The following TEK variants were observed in gnomAD, a reference collection of about 807,000 sequenced individuals.
TEK encodes angiopoietin-1 receptor.
TEK carries 43 observed loss-of-function variants against 131.8 expected under a neutral mutation model. The ratio of observed to expected loss-of-function variants is 0.33; its 90% CI spans 0.26 to 0.42. TEK has a LOEUF of 0.42. Ranked by LOEUF, TEK falls within the 10% of genes least tolerant of loss-of-function variation. The probability of loss-of-function intolerance (pLI) is 1.00; values close to 1 mark genes in which losing one functional copy is unlikely to be tolerated. For missense variants in TEK, 1,162 were observed against 1,384.4 expected (o/e 0.84, Z 2.55); for synonymous variants, 580 against 491.6 (o/e 1.18, Z -2.38).
intron 21 of TEK, among the ~76,000 whole-genome samples, chr9:27,223,441 G>C (rs4879267): frequency 1.3e-5 from 2 of 152,072 alleles, no homozygotes; most frequent in Admixed American, 6.5e-5. Context: ...TGCAATCAAA[G>C]TAGAACTCAG....
At chr9:27,112,040 G>T (rs939697950) in intron 1 of TEK, among the ~76,000 whole-genome samples, 1 of 152,028 alleles carries the variant, frequency 6.6e-6, no homozygotes, top group Non-Finnish European at 1.5e-5. Flanking sequence ...TGGGACTACA[G>T]GCGTGCGCCA....
chr9:27,224,378 G>C (rs577777117), intron 21 of TEK, among the ~76,000 whole-genome samples: 1 of 151,384 alleles, frequency 6.6e-6, no homozygotes, highest in Non-Finnish European at 1.5e-5. Flanking sequence ...CTGGGAAACA[G>C]AATCCAGCAG....
intron 1 of TEK, among the ~76,000 whole-genome samples, chr9:27,152,658 G>A (rs1364337567): frequency 4.0e-5 from 6 of 151,188 alleles, no homozygotes; most frequent in Non-Finnish European, 8.8e-5. Context: ...TGAGGGTGTG[G>A]GTCTAGAGTC....
intron 10 of TEK, 64 bp downstream of exon 10, chr9:27,190,754 A>C: frequency 6.3e-7 from 1 of 1,593,224 alleles, no homozygotes; most frequent in Non-Finnish European, 8.6e-7. Flanking sequence ...TTTTTCTCCA[A>C]ATCTAGAAAT....
intron 2 of TEK, among the ~76,000 whole-genome samples, chr9:27,159,938 C>A (rs1266877727): frequency 6.8e-6 from 1 of 146,790 alleles, no homozygotes; most frequent in Non-Finnish European, 1.5e-5. Context: ...AAATTAGTAT[C>A]ATCACAACCA....
intron 18 of TEK, among the ~76,000 whole-genome samples, chr9:27,214,897 G>T (rs75997145): frequency 1.9e-3 from 292 of 152,264 alleles, no homozygotes; most frequent in African/African-American, 6.7e-3. Flanking sequence ...CATACTCAAA[G>T]CAGATGCTTC....
chr9:27,168,431 C>CTCAA, intron 2 of TEK, 64 bp from the exon 3 acceptor site: 1 of 1,306,332 alleles, frequency 7.7e-7, no homozygotes, highest in South Asian at 1.2e-5. Flanking sequence ...AGTCTCAAAG[C>CTCAA]TCAATTGCTC....
chr9:27,204,711 C>A (rs1337020835), intron 13 of TEK, among the ~76,000 whole-genome samples, 200 bp from the exon 14 acceptor site: 1 of 143,776 alleles, frequency 7.0e-6, no homozygotes, highest in African/African-American at 2.6e-5. Flanking sequence ...TTTTTTTAAT[C>A]TTATTACAAC....
Position 27,173,360 on chromosome 9 carries a change from A to G in TEK, c.899A>G (p.Glu300Gly). 1 of 1,613,898 alleles carries G rather than the reference A, an allele frequency of 6.2e-7. No individual in the cohort carries two copies. The highest frequency in any genetic ancestry group is 8.5e-7 in the Non-Finnish European group (1 of 1,179,844). Residue 300 changes from glutamate to glycine, a missense_variant and splice_region_variant, in exon 6 of 23, where the codon GAA becomes GGA. Physicochemically the swap from Glu to Gly is moderately conservative, Grantham distance 98. This residue lies in a region of TEK where 436 missense variants were observed against 539.1 expected (regional missense o/e 0.81). Coordinates refer to ENST00000380036, the MANE Select transcript of TEK (RefSeq NM_000459.5). ...ATGWKGLQCN[E>G]ACHPGFYGPD... Reference sequence around the variant, plus strand: ...GGCTGGAAGGGTCTGCAGTGCAATGAAGGTATGCACCAATCACACCCTTGG... The same window carrying G: ...GGCTGGAAGGGTCTGCAGTGCAATGGAGGTATGCACCAATCACACCCTTGG...
chr9:27,130,347 C>T (rs931741782), intron 1 of TEK, among the ~76,000 whole-genome samples: 3 of 151,854 alleles, frequency 2.0e-5, no homozygotes, highest in South Asian at 4.2e-4. Flanking sequence ...TTAAAAAAAC[C>T]ATCTCTTACC....
At chr9:27,130,694 A>AGAG (rs1233333125) in intron 1 of TEK, among the ~76,000 whole-genome samples, 1 of 139,488 alleles carries the variant, frequency 7.2e-6, no homozygotes, top group African/African-American at 2.7e-5. Flanking sequence ...CTCCTGCCTC[A>AGAG]GCCTCCTGAG....
At chr9:27,192,272 A>G (rs374311941) in intron 10 of TEK, among the ~76,000 whole-genome samples, 15 of 152,168 alleles carry the variant, frequency 9.9e-5, no homozygotes, top group African/African-American at 3.4e-4. Context: ...ACAGAAATAC[A>G]CACTTTAATG....
At chr9:27,123,052 C>CAAAAAAAAAAAAAAAAA (rs10700803) in intron 1 of TEK, among the ~76,000 whole-genome samples, 2 of 34,710 alleles carry the variant, frequency 5.8e-5, no homozygotes, top group Non-Finnish European at 9.0e-5. Flanking sequence ...GACTCTGTCT[C>CAAAAAAAAAAAAAAAAA]AAAAAAAAAA....
chr9:27,212,684 G>T (rs765002673), intron 16 of TEK, 23 bp from the exon 17 acceptor site: 3 of 1,613,588 alleles, frequency 1.9e-6, no homozygotes, highest in East Asian at 2.2e-5. Context: ...CTGATGAGTC[G>T]ATGCTCTCTT....
chr9:27,202,180 G>A (rs974333317), intron 12 of TEK, among the ~76,000 whole-genome samples: 9 of 152,128 alleles, frequency 5.9e-5, no homozygotes, highest in African/African-American at 2.2e-4. Context: ...GTCCCTGAAT[G>A]GAATGTGATT....
chr9:27,158,248 T>C, intron 2 of TEK, 106 bp downstream of exon 2: 1 of 1,299,776 alleles, frequency 7.7e-7, no homozygotes. Flanking sequence ...TACCTGAATG[T>C]AGAGCTTGAC....
intron 1 of TEK, among the ~76,000 whole-genome samples, chr9:27,150,498 C>T (rs1390390916): frequency 6.6e-6 from 1 of 152,088 alleles, no homozygotes; most frequent in Non-Finnish European, 1.5e-5. Flanking sequence ...GTAGTTCTGG[C>T]TATTCAGGAG....
chr9:27,183,141 G>A (rs768086032), intron 7 of TEK, among the ~76,000 whole-genome samples: 2 of 152,142 alleles, frequency 1.3e-5, no homozygotes, highest in Admixed American at 6.5e-5. Flanking sequence ...GGGAGATATG[G>A]CCATGATAAT....
intron 10 of TEK, chr9:27,191,989 C>T (rs1322678141): frequency 2.0e-5 from 9 of 454,952 alleles, no homozygotes; most frequent in Non-Finnish European, 3.5e-5. Context: ...AGACAGATAC[C>T]ATTTGTTTAT....
Sources: allele counts gnomAD v4.1 joint callset (sites outside exome capture counted in the v4.1 genomes callset), GRCh38; gene constraint gnomAD v4.1.1; regional missense constraint gnomAD v4.1.1; transcripts MANE v1.5; gene names NCBI Gene and HGNC (gene_info 2026-07-23, HGNC 2026-07-21).